Variants in NETO1 observed in about 807,000 individuals in gnomAD.
NETO1 encodes the protein neuropilin and tolloid-like protein 1.
NETO1 carries 26 observed loss-of-function variants against 61.3 expected under a neutral mutation model. The ratio of observed to expected loss-of-function variants is 0.42; its 90% confidence interval spans 0.31 to 0.59. NETO1 has a LOEUF of 0.59. Ranked by LOEUF, NETO1 falls within the 20% of genes least tolerant of loss-of-function variation. The pLI is 0.12. For missense variants in NETO1, 531 were observed against 662.8 expected (o/e 0.80, Z 2.18); for synonymous variants, 225 against 225.8 (o/e 1.00, Z 0.03).
chr18:72,752,255 CTG>C (rs2070644330), intron 8 of NETO1, among the ~76,000 whole-genome samples: 2 of 152,112 alleles, frequency 1.3e-5, no homozygotes, highest in South Asian at 4.1e-4. Flanking sequence ...ATTGACTAGA[CTG>C]TAGAAAAATT....
intron 7 of NETO1, among the ~76,000 whole-genome samples, chr18:72,776,723 C>T (rs1271521055): frequency 1.3e-5 from 2 of 152,168 alleles, no homozygotes; most frequent in Non-Finnish European, 2.9e-5. Context: ...AAGGTCTAAA[C>T]TCCTAACATC....
chr18:72,820,957 T>C (rs374190268), intron 4 of NETO1, among the ~76,000 whole-genome samples: 1 of 152,048 alleles, frequency 6.6e-6, no homozygotes, highest in African/African-American at 2.4e-5. Flanking sequence ...TCTAGGTAGA[T>C]AGATAGATAG....
In NETO1 at chr18:72,830,835, A is replaced by G. The variant is rs1465986324; in HGVS notation, c.469+27991T>C. Among the ~76,000 whole-genome samples the G allele has an allele frequency of 6.6e-6, 1 of 152,118 alleles. No homozygotes were observed. The highest frequency in any genetic ancestry group is 1.5e-5 in the Non-Finnish European group (1 of 68,022). On this transcript the variant is annotated intron_variant, in intron 4 of 10. Coordinates refer to ENST00000327305, the MANE Select transcript of NETO1 (RefSeq NM_138966.5). This position sits in a 1 kb window ranked among gnomAD's most constrained non-coding sequence, Gnocchi z 4.9. The stretch of plus-strand genomic sequence containing the variant: ...AAAGGTTTCCGAAAGATTATGCTAC[A>G]CTTATGGGTTCCAGTTGTTCACTTT...
chr18:72,751,077 A>AC (rs60112090), intron 8 of NETO1, among the ~76,000 whole-genome samples: 2 of 150,588 alleles, frequency 1.3e-5, no homozygotes, highest in East Asian at 3.9e-4. Flanking sequence ...ACACACACAC[A>AC]ATCTATCTAT....
chr18:72,836,701 G>T (rs1479813997), intron 4 of NETO1, among the ~76,000 whole-genome samples: 1 of 152,298 alleles, frequency 6.6e-6, no homozygotes, highest in East Asian at 1.9e-4. Flanking sequence ...AAGGAAGGCT[G>T]GTTGTACAGA....
rs1258189050 is a variant in NETO1 at position 72,750,458 on chromosome 18, G to C, written c.1145C>G (p.Thr382Arg). The change falls in exon 9 of 11, where the codon ACA (threonine) becomes AGA (arginine). Residue 382 changes from threonine to arginine, a missense_variant. Transcript: ENST00000327305. ...YVQRKSDFDQ[T>R]VFQEVFEPPH... is the part of the protein sequence containing the mutation. ...AGGTTCAAATACCTCCTGGAAAACT[G>C]TCTGGTCAAAGTCTGATTTCCTTTG... The C allele has an allele frequency of 1.9e-6, 3 of 1,613,990 alleles. No homozygotes were observed. The highest frequency in any genetic ancestry group is 2.2e-5 in the East Asian group (1 of 44,886).
At chr18:72,804,888 T>C (rs891120728) in intron 4 of NETO1, among the ~76,000 whole-genome samples, 2 of 152,218 alleles carry the variant, frequency 1.3e-5, no homozygotes, top group African/African-American at 4.8e-5. Flanking sequence ...ATCCTTAATA[T>C]TCTCCTTTTT....
At chr18:72,799,768 A>G (rs1189737614) in intron 4 of NETO1, among the ~76,000 whole-genome samples, 2 of 152,200 alleles carry the variant, frequency 1.3e-5, no homozygotes, top group East Asian at 1.9e-4. Context: ...GGCTTTCCCA[A>G]TGTAGATCAC....
chr18:72,835,043 G>A (rs1429336659), intron 4 of NETO1: 3 of 1,032,434 alleles, frequency 2.9e-6, no homozygotes, highest in Non-Finnish European at 3.5e-6. Flanking sequence ...GGAGAATGGT[G>A]AGGAAAGGAA....
chr18:72,819,416 T>G (rs1041809864), intron 4 of NETO1, among the ~76,000 whole-genome samples: 1 of 152,224 alleles, frequency 6.6e-6, no homozygotes, highest in Non-Finnish European at 1.5e-5. Flanking sequence ...TGAGAACTGA[T>G]TAGTATTTTA....
intron 4 of NETO1, among the ~76,000 whole-genome samples, chr18:72,852,553 C>T (rs750987722): frequency 6.6e-6 from 1 of 152,108 alleles, no homozygotes; most frequent in East Asian, 1.9e-4. Context: ...TCTTAAAAAT[C>T]TTCCTTTTCC....
chr18:72,772,110 G>A (rs1179653291), intron 7 of NETO1, among the ~76,000 whole-genome samples: 1 of 152,134 alleles, frequency 6.6e-6, no homozygotes, highest in Non-Finnish European at 1.5e-5. Flanking sequence ...GGCAACCTGA[G>A]GACATTCTCA....
At chr18:72,774,087 T>C (rs952392616) in intron 7 of NETO1, among the ~76,000 whole-genome samples, 1 of 152,142 alleles carries the variant, frequency 6.6e-6, no homozygotes, top group Non-Finnish European at 1.5e-5. Context: ...AATTTGTTTT[T>C]TCCTCTTCTA....
chr18:72,763,767 C>T (rs1599116170), intron 7 of NETO1, among the ~76,000 whole-genome samples: 1 of 152,124 alleles, frequency 6.6e-6, no homozygotes, highest in African/African-American at 2.4e-5. Flanking sequence ...TATGGAAAAG[C>T]AGCTGGGGGA....
At chr18:72,815,656 G>C (rs1290929277) in intron 4 of NETO1, among the ~76,000 whole-genome samples, 1 of 152,186 alleles carries the variant, frequency 6.6e-6, no homozygotes, top group East Asian at 1.9e-4. Flanking sequence ...ACGACATCGA[G>C]TTTCACGTGT....
rs1432457131 is a variant in NETO1 at position 72,867,248 on chromosome 18, C to T, written c.28+16G>A. 1.4e-5 allele frequency: 21 copies of T among 1,540,650 alleles called. 1 individual carries two copies. The South Asian group carries it at 2.6e-4, about 19-fold the overall frequency. The stretch of plus-strand genomic sequence containing the variant: ...TGGCTCCGGGAGCGCACGGGCGCGG[C>T]GGGGAGGGTACTCACTGTGAAGCAC... On this transcript the variant is annotated intron_variant, in intron 1 of 10. Coordinates refer to ENST00000327305, the MANE Select transcript of NETO1 (RefSeq NM_138966.5).
chr18:72,823,591 G>A (rs997180132), intron 4 of NETO1, among the ~76,000 whole-genome samples: 12 of 152,140 alleles, frequency 7.9e-5, no homozygotes, highest in Non-Finnish European at 1.6e-4. Context: ...TTAAAAGGAT[G>A]GAGGTGTGGG....
At chr18:72,838,806 A>G (rs909533133) in intron 4 of NETO1, among the ~76,000 whole-genome samples, 9 of 152,210 alleles carry the variant, frequency 5.9e-5, no homozygotes, top group African/African-American at 2.2e-4. Flanking sequence ...TATGAAGCAC[A>G]AACTCATTTA....
rs1304717896 is a variant in NETO1 at position 72,838,022 on chromosome 18, G to A, written c.469+20804C>T. ...CTCCCTCCCCATCACCATCCCCTAT[G>A]ACAGGTATCTCTACAATAGCCACAC... On this transcript the variant is annotated intron_variant, in intron 4 of 10. Transcript: ENST00000327305. 3.3e-5 allele frequency among the ~76,000 whole-genome samples: 5 copies of A among 150,422 alleles called. No individual in the cohort carries two copies. In the East Asian group the frequency reaches 7.9e-4, roughly 24 times the overall value.
Sources: gnomAD v4.1 joint callset for allele counts (sites outside exome capture counted in the v4.1 genomes callset) on GRCh38, gnomAD v4.1.1 for gene constraint, Gnocchi (gnomAD v3.1) non-coding constraint, MANE v1.5 for transcripts, NCBI Gene and HGNC (gene_info 2026-07-23, HGNC 2026-07-21) for gene names.